Variants in HACL1 observed in about 807,000 individuals in gnomAD.
The protein encoded by HACL1 is 1600020H07Rik.
In HACL1, 64 loss-of-function variants were observed where a neutral mutation model predicts 74.2. The observed-to-expected ratio is 0.86, with a 90% CI of 0.70 to 1.06. The LOEUF (loss-of-function observed/expected upper bound fraction) is 1.06. Ranked by LOEUF, HACL1 falls within the 50% of genes least tolerant of loss-of-function variation. The probability of loss-of-function intolerance (pLI) is 0.00; values close to 1 mark genes in which losing one functional copy is unlikely to be tolerated. For synonymous variants in HACL1, 230 were observed against 238.8 expected (o/e 0.96, Z 0.34); for missense variants, 728 against 719.7 (o/e 1.01, Z -0.13).
intron 14 of HACL1, among the ~76,000 whole-genome samples, chr3:15,566,596 C>T (rs371330112): frequency 3.3e-5 from 5 of 151,954 alleles, no homozygotes; most frequent in South Asian, 4.2e-4. Context: ...GTTGACGCTG[C>T]GGTGAGCCGC....
At chr3:15,588,398 G>T (rs113910200) in intron 5 of HACL1, among the ~76,000 whole-genome samples, 3,242 of 152,124 alleles carry the variant, frequency 0.021, 117 homozygotes, top group African/African-American at 0.074. Context: ...TTCAAGACCA[G>T]CCTGGGCACC....
rs752927046 is a variant in HACL1, at chr3:15,585,347, G to A, written c.460-5C>T. 12 of 1,493,534 alleles carry A rather than the reference G, an allele frequency of 8.0e-6. No homozygotes were observed. The East Asian group carries it at 1.4e-4, about 17-fold the overall frequency. 92.5% of individuals were successfully genotyped at this position (1,493,534 alleles called of 1,614,324 possible). A position where few individuals can be genotyped will look rare whatever the true frequency, so the allele number is the denominator to read the frequency against. Reference sequence around the variant, plus strand: ...ATAGATACTGCTTCTCACTGCCTACGTTCATTACAAGTAGAAGAAAAGATT... The same window carrying A: ...ATAGATACTGCTTCTCACTGCCTACATTCATTACAAGTAGAAGAAAAGATT... On this transcript the variant is annotated splice_region_variant and splice_polypyrimidine_tract_variant and intron_variant, in intron 6 of 16. Transcript: ENST00000321169.
intron 4 of HACL1, among the ~76,000 whole-genome samples, chr3:15,590,395 TAAAG>T (rs1237309476): frequency 6.7e-6 from 1 of 150,270 alleles, no homozygotes; most frequent in Non-Finnish European, 1.5e-5. Flanking sequence ...TTAAAGTAGA[TAAAG>T]AAGAGAAAGA....
intron 2 of HACL1, among the ~76,000 whole-genome samples, chr3:15,599,351 C>G (rs1039775378): frequency 6.6e-6 from 1 of 152,178 alleles, no homozygotes; most frequent in Non-Finnish European, 1.5e-5. Context: ...CAGGCAGCCT[C>G]TAATTCCTGG....
rs767654624 is a variant in HACL1, at chr3:15,573,179, T to A, written c.973A>T (p.Ile325Leu). The A allele has an allele frequency of 6.2e-7, 1 of 1,605,684 alleles. No homozygotes were observed. The highest frequency in any genetic ancestry group is 8.5e-7 in the Non-Finnish European group (1 of 1,172,408). ...CTCACCTGCTTAGTGACAGCATGTATGTTTCCTAGCAAAGTAACAGCGGGC... is the reference window on the plus strand; with the variant it reads ...CTCACCTGCTTAGTGACAGCATGTAAGTTTCCTAGCAAAGTAACAGCGGGC... The part of the protein sequence containing the change: ...VKPAVTLLGN[I>L]HAVTKQLLEE... The change falls in exon 11 of 17, where the codon ATA becomes TTA. Residue 325 changes from isoleucine to leucine, a missense_variant. Transcript: ENST00000321169.
Position 15,568,431 on chromosome 3 carries a change from C to G in HACL1, c.1250+1G>C. 1 of 1,567,630 alleles carries G rather than the reference C, an allele frequency of 6.4e-7. No individual in the cohort carries two copies. Among genetic ancestry groups the G allele is most frequent in the Non-Finnish European group, 8.7e-7 (1 of 1,150,208 alleles). ...ACTTCTTTCTTCTTTAGAAGTCTTA[C>G]CTGTGACGAGGAAGGTAGTTCTGAA... On this transcript the variant is annotated splice_donor_variant, in intron 13 of 16. Coordinates refer to ENST00000321169, the MANE Select transcript of HACL1 (RefSeq NM_012260.4). LOFTEE classifies it high-confidence loss of function.
intron 5 of HACL1, 150 bp from the exon 6 acceptor site, chr3:15,586,752 C>G: frequency 1.9e-6 from 1 of 536,596 alleles, no homozygotes; most frequent in African/African-American, 2.0e-5. Flanking sequence ...AAAGCCTATT[C>G]AAAGTACAAA....
chr3:15,598,259 G>A (rs924006742), intron 2 of HACL1, among the ~76,000 whole-genome samples: 4 of 152,114 alleles, frequency 2.6e-5, no homozygotes, highest in Non-Finnish European at 4.4e-5. Context: ...GACCTCAGGT[G>A]ATCTGCCTGC....
Position 15,571,824 on chromosome 3 carries a change from T to C in HACL1, c.994-55A>G, listed in dbSNP as rs867240402. On this transcript the variant is annotated intron_variant, in intron 11 of 16. Transcript: ENST00000321169. Reference sequence around the variant, plus strand: ...ACACATAAACTTTTTCTTTGCCTTTTTTTTCTTTTTTTTTTTTTTTTTTTT... The same window carrying C: ...ACACATAAACTTTTTCTTTGCCTTTCTTTTCTTTTTTTTTTTTTTTTTTTT... 240 of 441,210 alleles carry C rather than the reference T, an allele frequency of 5.4e-4. 1 individual carries two copies. The highest frequency in any genetic ancestry group is 5.1e-3 in the African/African-American group (221 of 43,528). The allele number at this position is 441,210 out of a possible 1,614,324, so 27.3% of individuals were successfully genotyped here. A position where few individuals can be genotyped will look rare whatever the true frequency, so the allele number is the denominator to read the frequency against.
rs754933733 is a variant in HACL1 at position 15,573,209 on chromosome 3, C to T, written c.943G>A (p.Val315Ile). The T allele has an allele frequency of 1.2e-6, 2 of 1,609,118 alleles. No homozygotes were observed. Among genetic ancestry groups the T allele is most frequent in the African/African-American group, 2.7e-5 (2 of 74,832 alleles). ...CCTAGCAAAGTAACAGCGGGCTTTA[C>T]ATTATTCCCCAATTCTTCTGCACAG... ...DICAEELGNN[V>I]KPAVTLLGNI... Residue 315 changes from valine (V) to isoleucine (I), a missense_variant, in exon 11 of 17, where the codon GTA becomes ATA. Physicochemically the swap from Val to Ile is conservative, Grantham distance 29. Coordinates refer to ENST00000321169, the MANE Select transcript of HACL1 (RefSeq NM_012260.4).
intron 3 of HACL1, among the ~76,000 whole-genome samples, chr3:15,593,796 CTTT>C (rs1322426326): frequency 9.0e-6 from 1 of 111,364 alleles, no homozygotes; most frequent in Middle Eastern, 4.4e-3. Flanking sequence ...TTTTTTTTGT[CTTT>C]TTTTTTTTTT....
chr3:15,598,097 T>A (rs1208037061), intron 2 of HACL1, among the ~76,000 whole-genome samples: 1 of 151,932 alleles, frequency 6.6e-6, no homozygotes, highest in Non-Finnish European at 1.5e-5. Flanking sequence ...CAATATTGGC[T>A]CACGGCAACC....
chr3:15,571,832 T>G, intron 11 of HACL1, 63 bp from the exon 12 acceptor site: 2 of 330,192 alleles, frequency 6.1e-6, no homozygotes, highest in East Asian at 4.7e-5. Context: ...TTTTTTTCTT[T>G]TTTTTTTTTT....
chr3:15,583,632 A>G lies in HACL1; in HGVS notation c.555-643T>C, dbSNP rs534153989. ...TCCATGCTTTTAAACACCTTACCAC[A>G]TTTCTCTTTTTTTTTTTTCTTTTCT... On this transcript the variant is annotated intron_variant, in intron 7 of 16. Transcript: ENST00000321169. Among the ~76,000 whole-genome samples the G allele has an allele frequency of 1.6e-4, 23 of 144,412 alleles. No homozygotes were observed. In the South Asian group the frequency reaches 2.9e-3, roughly 18 times the overall value. 94.7% of individuals were successfully genotyped at this position (144,412 alleles called of 152,430 possible). A position where few individuals can be genotyped will look rare whatever the true frequency, so the allele number is the denominator to read the frequency against.
In HACL1 at chr3:15,577,686, T is replaced by C. The variant is rs533891077; in HGVS notation, c.803+2224A>G. Among the ~76,000 whole-genome samples the C allele has an allele frequency of 2.0e-5, 3 of 152,038 alleles. No individual in the cohort carries two copies. In the South Asian group the frequency reaches 6.2e-4, roughly 32 times the overall value. On this transcript the variant is annotated intron_variant, in intron 9 of 16. Coordinates refer to ENST00000321169, the MANE Select transcript of HACL1 (RefSeq NM_012260.4). ...ACACACCTGTAGTTCCAGCTATTAA[T>C]ACTTGGGAGGCTGAGGTGGGAGGAT...
chr3:15,565,169 A>G (rs74811842), intron 14 of HACL1, among the ~76,000 whole-genome samples: 1 of 152,014 alleles, frequency 6.6e-6, no homozygotes, highest in Admixed American at 6.5e-5. Context: ...CATCTCAGAA[A>G]AAAAAAAAAA....
intron 3 of HACL1, 61 bp from the exon 4 acceptor site, chr3:15,591,741 T>A: frequency 1.9e-6 from 2 of 1,078,646 alleles, no homozygotes; most frequent in Non-Finnish European, 2.8e-6. Flanking sequence ...TCATAACACT[T>A]TAGTGTGAAA....
At chr3:15,574,739 T>C (rs1469565472) in intron 10 of HACL1, among the ~76,000 whole-genome samples, 2 of 151,546 alleles carry the variant, frequency 1.3e-5, no homozygotes, top group Non-Finnish European at 2.9e-5. Flanking sequence ...TCTAAACTAT[T>C]TGAAACTTGA....
chr3:15,592,614 G>A (rs1166719471), intron 3 of HACL1, among the ~76,000 whole-genome samples: 3 of 88,376 alleles, frequency 3.4e-5, no homozygotes, highest in South Asian at 4.3e-4. Context: ...ACATGTGTGC[G>A]TGTATACACA....
Sources: allele counts gnomAD v4.1 joint callset (sites outside exome capture counted in the v4.1 genomes callset), GRCh38; gene constraint gnomAD v4.1.1; transcripts MANE v1.5; gene names NCBI Gene and HGNC (gene_info 2026-07-23, HGNC 2026-07-21).